Variants in GDPD1 observed in about 807,000 individuals in gnomAD.
GDPD1 encodes the protein lysophospholipase D GDPD1.
Under a neutral mutation model 45.1 loss-of-function variants are expected in GDPD1, and 28 were observed. The ratio of observed to expected loss-of-function variants is 0.62; its 90% CI spans 0.46 to 0.85. The LOEUF (loss-of-function observed/expected upper bound fraction) is 0.85. Ranked by LOEUF, GDPD1 falls within the 40% of genes least tolerant of loss-of-function variation. The pLI is 0.00. For synonymous variants in GDPD1, 139 were observed against 131.4 expected, an observed-to-expected ratio of 1.06 and a Z score of -0.40; for missense variants, 256 against 364.8, an observed-to-expected ratio of 0.70 and a Z score of 2.43.
Position 59,234,546 on chromosome 17 carries a change from AAAAAGGT to A in GDPD1, c.185+21_185+27del, listed in dbSNP as rs1568339658. On this transcript the variant is annotated intron_variant, in intron 2 of 9. Coordinates refer to ENST00000284116, the MANE Select transcript of GDPD1 (RefSeq NM_182569.4). ...GCAGCCTTTCAGCAGTAAGTATGTA[AAAAAGGT>A]AAAAGGTACTCTTTTCTTTTACAGT... 8 of 1,581,600 alleles carry A rather than the reference AAAAAGGT, an allele frequency of 5.1e-6. No individual in the cohort carries two copies. Among genetic ancestry groups the A allele is most frequent in the Non-Finnish European group, 6.1e-6 (7 of 1,152,460 alleles).
Position 59,220,533 on chromosome 17 carries a change from G to A in GDPD1, c.-77G>A, listed in dbSNP as rs199988760. On this transcript the variant is annotated 5_prime_UTR_variant, in exon 1 of 10. Coordinates refer to ENST00000284116, the MANE Select transcript of GDPD1 (RefSeq NM_182569.4). ...GGCGAGCCGACCTCGAGCAGCCGCC[G>A]CCGCCGCCGTCGTTGCTACTGCCGC... 1 of 1,513,948 alleles carries A rather than the reference G, an allele frequency of 6.6e-7. No homozygotes were observed. The highest frequency in any genetic ancestry group is 9.0e-7 in the Non-Finnish European group (1 of 1,115,220). The allele number at this position is 1,513,948 out of a possible 1,614,324, so 93.8% of individuals were successfully genotyped here.
intron 6 of GDPD1, 62 bp downstream of exon 6, chr17:59,257,902 TAA>T: frequency 1.8e-6 from 2 of 1,088,666 alleles, no homozygotes; most frequent in Non-Finnish European, 2.7e-6. Context: ...CTACAAATGA[TAA>T]GTTATTATAG....
At chr17:59,252,118 C>T (rs563536417) in intron 4 of GDPD1, among the ~76,000 whole-genome samples, 5 of 151,338 alleles carry the variant, frequency 3.3e-5, no homozygotes, top group South Asian at 2.1e-4. Context: ...AGGCTGGGCA[C>T]GGTGGCTCAC....
rs769575315 is a variant in GDPD1 at position 59,220,704 on chromosome 17, A to G, written c.95A>G (p.Gln32Arg). The part of the protein sequence containing the change: ...LLLKYPTLLH[Q>R]RKKQRFLSKH... ...CTTAAATACCCGACCTTGCTGCACC[A>G]GAGAAAGAAGCAGCGATTCCTCAGT... Residue 32 changes from glutamine (Q) to arginine (R), a missense_variant, in exon 1 of 10, where the codon CAG becomes CGG. By Grantham distance (43) the Gln-to-Arg change is conservative. Coordinates refer to ENST00000284116, the MANE Select transcript of GDPD1 (RefSeq NM_182569.4). 5.0e-6 allele frequency: 8 copies of G among 1,614,148 alleles called. No homozygotes were observed. In the Admixed American group the frequency reaches 8.3e-5, roughly 17 times the overall value.
intron 4 of GDPD1, among the ~76,000 whole-genome samples, chr17:59,254,904 C>T (rs1358793555): frequency 6.6e-6 from 1 of 152,074 alleles, no homozygotes. Flanking sequence ...TCCCAGTGTC[C>T]ATATTGTTAT....
chr17:59,270,243 G>T (rs1449857115), intron 7 of GDPD1, among the ~76,000 whole-genome samples: 1 of 151,490 alleles, frequency 6.6e-6, no homozygotes, highest in African/African-American at 2.4e-5. Context: ...ACCCAGGCTG[G>T]AGTGCAGTGG....
intron 2 of GDPD1, among the ~76,000 whole-genome samples, chr17:59,240,064 G>A (rs995394140): frequency 3.3e-5 from 5 of 152,044 alleles, no homozygotes; most frequent in Non-Finnish European, 7.4e-5. Flanking sequence ...AGGCCGAGGC[G>A]GGCAGATCAG....
chr17:59,233,268 C>CT (rs1469838738), intron 1 of GDPD1, among the ~76,000 whole-genome samples: 1 of 151,938 alleles, frequency 6.6e-6, no homozygotes, highest in African/African-American at 2.4e-5. Context: ...AATCCCAGCA[C>CT]TTTGGGAGGC....
intron 6 of GDPD1, among the ~76,000 whole-genome samples, chr17:59,265,640 G>A (rs746166904): frequency 6.6e-6 from 1 of 151,894 alleles, no homozygotes; most frequent in Non-Finnish European, 1.5e-5. Flanking sequence ...GCTCACACCT[G>A]TATTCCCAGC....
Position 59,234,499 on chromosome 17 carries a change from A to T in GDPD1, c.150A>T (p.Gly50=). ...SKHISHRGGA[G]ENLENTMAAF... ...TAGTTTAAATTTTCACAGGTGCTGG[A>T]GAAAATTTGGAGAATACAATGGCAG... The change falls in exon 2 of 10, where the codon GGA becomes GGT. Residue 50 remains glycine, a synonymous_variant. Coordinates refer to ENST00000284116, the MANE Select transcript of GDPD1 (RefSeq NM_182569.4). 1 of 1,594,782 alleles carries T rather than the reference A, an allele frequency of 6.3e-7. No individual in the cohort carries two copies. The highest frequency in any genetic ancestry group is 8.6e-7 in the Non-Finnish European group (1 of 1,164,026).
chr17:59,269,481 C>T (rs9900921), intron 7 of GDPD1, among the ~76,000 whole-genome samples: 2 of 146,484 alleles, frequency 1.4e-5, no homozygotes, highest in East Asian at 2.1e-4. Flanking sequence ...GTCTACCCCC[C>T]CCCCCAAAAA....
At chr17:59,264,717 T>G (rs951020305) in intron 6 of GDPD1, among the ~76,000 whole-genome samples, 4 of 152,140 alleles carry the variant, frequency 2.6e-5, no homozygotes, top group Non-Finnish European at 5.9e-5. Context: ...AACACCTGTA[T>G]GTAAGTAAGC....
At chr17:59,270,049 C>T (rs998405456) in intron 7 of GDPD1, among the ~76,000 whole-genome samples, 2 of 151,948 alleles carry the variant, frequency 1.3e-5, no homozygotes, top group Admixed American at 1.3e-4. Flanking sequence ...CTATAGAAGA[C>T]AATGGATATT....
At chr17:59,262,222 A>G (rs887556599) in intron 6 of GDPD1, among the ~76,000 whole-genome samples, 1 of 152,114 alleles carries the variant, frequency 6.6e-6, no homozygotes, top group Non-Finnish European at 1.5e-5. Context: ...TTTTAAAAAT[A>G]AAAATACGTT....
intron 1 of GDPD1, among the ~76,000 whole-genome samples, chr17:59,226,187 A>G (rs1423625361): frequency 6.6e-6 from 1 of 152,106 alleles, no homozygotes; most frequent in African/African-American, 2.4e-5. Flanking sequence ...AACTTAACTT[A>G]CTGGTAACCC....
intron 4 of GDPD1, among the ~76,000 whole-genome samples, chr17:59,255,730 C>T (rs1221899828): frequency 3.7e-5 from 3 of 81,120 alleles, no homozygotes; most frequent in African/African-American, 5.1e-5. Context: ...GCAACAAGAA[C>T]GAAACTCCGT....
chr17:59,225,287 T>C (rs902639195), intron 1 of GDPD1, among the ~76,000 whole-genome samples: 10 of 152,004 alleles, frequency 6.6e-5, no homozygotes, highest in Non-Finnish European at 1.2e-4. Flanking sequence ...GTATTTTTAG[T>C]AGAGATGGGT....
intron 6 of GDPD1, among the ~76,000 whole-genome samples, chr17:59,261,533 G>C (rs865925449): frequency 6.6e-6 from 1 of 151,708 alleles, no homozygotes; most frequent in South Asian, 2.1e-4. Flanking sequence ...GACTTGCTCT[G>C]TCACTGAGGC....
At chr17:59,228,031 G>A (rs530914754) in intron 1 of GDPD1, among the ~76,000 whole-genome samples, 38 of 152,100 alleles carry the variant, frequency 2.5e-4, no homozygotes, top group African/African-American at 8.7e-4. Context: ...AATTAGCCTG[G>A]TGTGGTGGCG....
Sources: gnomAD v4.1 joint callset for allele counts (sites outside exome capture counted in the v4.1 genomes callset) on GRCh38, gnomAD v4.1.1 for gene constraint, MANE v1.5 for transcripts, NCBI Gene and HGNC (gene_info 2026-07-23, HGNC 2026-07-21) for gene names.